The following LRRIQ4 variants were observed in gnomAD, a reference collection of about 807,000 sequenced individuals.
The protein encoded by LRRIQ4 is leucine rich repeats and IQ motif containing 4.
Under a neutral mutation model 40.1 loss-of-function variants are expected in LRRIQ4, and 21 were observed. That is an observed-to-expected ratio of 0.52 (90% CI 0.37 to 0.75). LRRIQ4 has a LOEUF of 0.75. LRRIQ4 is among the 30% of genes least tolerant of loss of function. The probability of loss-of-function intolerance (pLI) is 0.00; values close to 1 mark genes in which losing one functional copy is unlikely to be tolerated. For missense variants in LRRIQ4, 655 were observed against 660.0 expected (o/e 0.99, Z 0.08); for synonymous variants, 277 against 277.1 (o/e 1.00, Z 0.00).
Position 169,828,840 on chromosome 3 carries a change from G to T in LRRIQ4, c.1102G>T (p.Val368Phe), listed in dbSNP as rs748566030. The change falls in exon 3 of 6, where the codon GTC (valine) becomes TTC (phenylalanine). Residue 368 changes from valine (V) to phenylalanine (F), a missense_variant. By Grantham distance (50) the Val-to-Phe change is conservative. Transcript: ENST00000340806. ...GNEFLSFPEEVLSLASLEKLY... is the reference protein window; with the variant it reads ...GNEFLSFPEEFLSLASLEKLY... ...TGAGTTCCTTTCCTTTCCGGAGGAA[G>T]TCCTTTCTTTAGCGTCTTTAGAGAA... 2 of 1,613,804 alleles carry T rather than the reference G, an allele frequency of 1.2e-6. No homozygotes were observed. Among genetic ancestry groups the T allele is most frequent in the Admixed American group, 1.7e-5 (1 of 59,984 alleles).
At chr3:169,832,271 C>A (rs1385361485) in intron 4 of LRRIQ4, among the ~76,000 whole-genome samples, 1 of 151,936 alleles carries the variant, frequency 6.6e-6, no homozygotes, top group Non-Finnish European at 1.5e-5. Context: ...AGTTCGAAAC[C>A]AGCCTAGCCA....
At chr3:169,829,010 G>C in intron 3 of LRRIQ4, 78 bp downstream of exon 3, 5 of 1,255,588 alleles carry the variant, frequency 4.0e-6, no homozygotes, top group Non-Finnish European at 5.6e-6. Flanking sequence ...AAAATATGAG[G>C]TCTCCACAGG....
At chr3:169,831,440 ATTTTTTTTTTTTTTTTTT>A (rs750864248) in intron 4 of LRRIQ4, among the ~76,000 whole-genome samples, 55 of 29,426 alleles carry the variant, frequency 1.9e-3, no homozygotes, top group Non-Finnish European at 3.0e-3. Context: ...CGCCCGGCTA[ATTTTTTTTTTTTTTTTTT>A]TTTTTTTTTT....
intron 2 of LRRIQ4, 98 bp downstream of exon 2, chr3:169,823,039 A>T (rs1779952386): frequency 3.0e-6 from 3 of 1,000,196 alleles, no homozygotes; most frequent in Non-Finnish European, 2.8e-6. Context: ...AACTGACTTT[A>T]TGGGCGAAAA....
chr3:169,822,119 G>T lies in LRRIQ4; in HGVS notation c.198G>T (p.Glu66Asp), dbSNP rs753804923. The T allele has an allele frequency of 6.2e-7, 1 of 1,612,332 alleles. No homozygotes were observed. Among genetic ancestry groups the T allele is most frequent in the South Asian group, 1.1e-5 (1 of 90,606 alleles). The change falls in exon 2 of 6, where the codon GAG (glutamate) becomes GAT (aspartate). Residue 66 changes from glutamate (E) to aspartate (D), a missense_variant. Physicochemically the swap from Glu to Asp is conservative, Grantham distance 45. Coordinates refer to ENST00000340806, the MANE Select transcript of LRRIQ4 (RefSeq NM_001080460.3). ...ENNQIEEIPQ[E>D]IQRLKNIRVL... is the part of the protein sequence containing the mutation. Reference sequence around the variant, plus strand: ...ACCAGATTGAAGAAATTCCCCAGGAGATTCAGCGTTTAAAGAACATCAGGG... The same window carrying T: ...ACCAGATTGAAGAAATTCCCCAGGATATTCAGCGTTTAAAGAACATCAGGG...
chr3:169,824,095 T>A (rs560105295), intron 2 of LRRIQ4, among the ~76,000 whole-genome samples: 1 of 152,258 alleles, frequency 6.6e-6, no homozygotes, highest in East Asian at 1.9e-4. Context: ...TGTATATACA[T>A]ACACACATAT....
At position 169,822,593 on chromosome 3, in the gene LRRIQ4, C is replaced by T. The variant is rs766597457; in HGVS notation, c.672C>T (p.Pro224=). The change falls in exon 2 of 6, where the codon CCC becomes CCT. Residue 224 remains proline, a synonymous_variant. Transcript: ENST00000340806. Reference sequence around the variant, plus strand: ...TCTATATGGCTTCTAACAACCTTCCCGTTCTGCCCGCGTCCTTGTGCCAGT... The same window carrying T: ...TCTATATGGCTTCTAACAACCTTCCTGTTCTGCCCGCGTCCTTGTGCCAGT... ...QKFYMASNNL[P]VLPASLCQCS... 3.2e-5 allele frequency: 51 copies of T among 1,613,886 alleles called. No homozygotes were observed. The highest frequency in any genetic ancestry group is 3.9e-5 in the Non-Finnish European group (46 of 1,179,900).
At chr3:169,828,730 T>G in intron 2 of LRRIQ4, 29 bp from the exon 3 acceptor site, 3 of 1,596,936 alleles carry the variant, frequency 1.9e-6, no homozygotes, top group African/African-American at 2.7e-5. Flanking sequence ...AATCTTGACC[T>G]GAAACTTATC....
At chr3:169,829,913 A>G (rs1395461888) in intron 3 of LRRIQ4, among the ~76,000 whole-genome samples, 1 of 152,186 alleles carries the variant, frequency 6.6e-6, no homozygotes, top group African/African-American at 2.4e-5. Flanking sequence ...TCTCTTCCTA[A>G]TTCTCCATTC....
In LRRIQ4 at chr3:169,820,460, GA is replaced by G. The variant is rs145060444; in HGVS notation, c.-31-1421del. Among the ~76,000 whole-genome samples the G allele has an allele frequency of 1.8e-3, 243 of 135,006 alleles. 2 individuals are homozygous for G. Among genetic ancestry groups the G allele is most frequent in the African/African-American group, 5.7e-3 (216 of 37,700 alleles). 88.6% of individuals were successfully genotyped at this position (135,006 alleles called of 152,430 possible). A position where few individuals can be genotyped will look rare whatever the true frequency, so the allele number is the denominator to read the frequency against. Reference sequence around the variant, plus strand: ...CAGCTTGTCAACTTCTACCAAAAAAGAAAAAAAAAAGTTTGCTAAAATTTTG... The same window carrying G: ...CAGCTTGTCAACTTCTACCAAAAAAGAAAAAAAAAGTTTGCTAAAATTTTG... On this transcript the variant is annotated intron_variant, in intron 1 of 5. Transcript: ENST00000340806.
At chr3:169,835,155 T>TA (rs952982334) in intron 5 of LRRIQ4, among the ~76,000 whole-genome samples, 15 of 152,136 alleles carry the variant, frequency 9.9e-5, no homozygotes, top group African/African-American at 2.9e-4. Context: ...TGTTTTATTT[T>TA]AAAAAAACAA....
At chr3:169,832,866 C>T in intron 4 of LRRIQ4, 121 bp from the exon 5 acceptor site, 1 of 815,796 alleles carries the variant, frequency 1.2e-6, no homozygotes, top group Non-Finnish European at 1.9e-6. Context: ...CTTGTGCATC[C>T]TTCCTCTCAT....
intron 4 of LRRIQ4, among the ~76,000 whole-genome samples, chr3:169,832,432 C>T (rs1402180686): frequency 1.3e-5 from 2 of 150,354 alleles, no homozygotes; most frequent in South Asian, 2.1e-4. Flanking sequence ...GGCGCCACTG[C>T]ACTCCAGCCT....
intron 1 of LRRIQ4, among the ~76,000 whole-genome samples, chr3:169,814,946 AGATGATG>A (rs1779733928): frequency 6.6e-6 from 1 of 152,212 alleles, no homozygotes; most frequent in South Asian, 2.1e-4. Context: ...AGTTCACTGT[AGATGATG>A]GATTTATATC....
chr3:169,823,010 T>C, intron 2 of LRRIQ4, 69 bp downstream of exon 2: 1 of 1,337,248 alleles, frequency 7.5e-7, no homozygotes, highest in Non-Finnish European at 9.9e-7. Context: ...GTTGGTTCTG[T>C]ATCTAAACAG....
At chr3:169,816,655 TG>T (rs1221478217) in intron 1 of LRRIQ4, among the ~76,000 whole-genome samples, 3 of 150,638 alleles carry the variant, frequency 2.0e-5, no homozygotes, top group African/African-American at 7.3e-5. Context: ...CTCTGATTTT[TG>T]TGATTTCTTT....
rs2108185804 is a variant in LRRIQ4, at chr3:169,833,107, A to G, written c.1454A>G (p.Glu485Gly). The change falls in exon 5 of 6, where the codon GAA becomes GGA. Residue 485 changes from glutamate to glycine, a missense_variant. Coordinates refer to ENST00000340806, the MANE Select transcript of LRRIQ4 (RefSeq NM_001080460.3). Reference protein sequence around the residue: ...MDNPMEEPPKEVCAEGNEAIW... With the variant: ...MDNPMEEPPKGVCAEGNEAIW... The stretch of plus-strand genomic sequence containing the variant: ...AATCCCATGGAAGAACCCCCAAAAG[A>G]AGTGTGTGCTGAAGGCAATGAGGCC... 6.2e-7 allele frequency: 1 copy of G among 1,614,026 alleles called. No homozygotes were observed. The highest frequency in any genetic ancestry group is 1.7e-5 in the Admixed American group (1 of 60,020).
chr3:169,823,045 G>C, intron 2 of LRRIQ4, 104 bp downstream of exon 2: 3 of 873,634 alleles, frequency 3.4e-6, no homozygotes, highest in Non-Finnish European at 5.0e-6. Flanking sequence ...CTTTATGGGC[G>C]AAAATCCAAG....
chr3:169,824,760 G>T (rs536594786), intron 2 of LRRIQ4, among the ~76,000 whole-genome samples: 3 of 151,830 alleles, frequency 2.0e-5, no homozygotes, highest in Non-Finnish European at 4.4e-5. Flanking sequence ...TGATCCACCC[G>T]TTTTGGCCTC....
Sources: gnomAD v4.1 joint callset for allele counts (sites outside exome capture counted in the v4.1 genomes callset) on GRCh38, gnomAD v4.1.1 for gene constraint, MANE v1.5 for transcripts, NCBI Gene and HGNC (gene_info 2026-07-23, HGNC 2026-07-21) for gene names.